The following NFU1 variants were observed in gnomAD, a reference collection of about 807,000 sequenced individuals.
The protein encoded by NFU1 is NFU1 iron-sulfur cluster scaffold, also known as NFU1 iron-sulfur cluster scaffold homolog, mitochondrial.
In NFU1, 30 loss-of-function variants were observed where a neutral mutation model predicts 32.2. That is an observed-to-expected ratio of 0.93 (90% confidence interval 0.70 to 1.26). NFU1 has a LOEUF of 1.26. NFU1 is among the 50% of genes most tolerant of loss of function. The pLI is 0.00. For missense variants in NFU1, 306 were observed against 306.6 expected (o/e 1.00, Z 0.02); for synonymous variants, 112 against 104.6 (o/e 1.07, Z -0.43).
At chr2:69,408,713 G>A (rs1162058118) in intron 5 of NFU1, among the ~76,000 whole-genome samples, 10 of 143,300 alleles carry the variant, frequency 7.0e-5, no homozygotes, top group African/African-American at 1.5e-4. Flanking sequence ...GTGAAACACC[G>A]TCTCAAAAAA....
chr2:69,407,855 A>G (rs555758251), intron 5 of NFU1, among the ~76,000 whole-genome samples: 5 of 151,902 alleles, frequency 3.3e-5, no homozygotes, highest in Admixed American at 6.6e-5. Context: ...TCTACTAAAA[A>G]TACAAAAATT....
At chr2:69,432,044 C>A in intron 1 of NFU1, 39 bp from the exon 2 acceptor site, 1 of 1,373,604 alleles carries the variant, frequency 7.3e-7, no homozygotes, top group Non-Finnish European at 1.0e-6. Context: ...ATTTTAAGAG[C>A]TCTAATCTTT....
intron 7 of NFU1, chr2:69,399,226 AAG>A: frequency 3.2e-5 from 10 of 316,508 alleles, no homozygotes; most frequent in South Asian, 1.0e-4. Context: ...AAAAAAAAAA[AAG>A]AATGAATTAC....
intron 1 of NFU1, 119 bp from the exon 2 acceptor site, chr2:69,432,124 ATAAT>A (rs1473365525): frequency 5.5e-5 from 38 of 688,148 alleles, no homozygotes; most frequent in African/African-American, 4.1e-4. Flanking sequence ...CGCAATAGAA[ATAAT>A]TAGAGAACTG....
intron 1 of NFU1, among the ~76,000 whole-genome samples, 154 bp from the exon 2 acceptor site, chr2:69,432,159 A>G (rs1296954287): frequency 6.6e-6 from 1 of 152,256 alleles, no homozygotes; most frequent in East Asian, 1.9e-4. Context: ...TTCCATCTAC[A>G]TTATTTCCAC....
chr2:69,425,588 C>T (rs1261249103), intron 2 of NFU1, among the ~76,000 whole-genome samples: 4 of 152,088 alleles, frequency 2.6e-5, no homozygotes, highest in Non-Finnish European at 4.4e-5. Flanking sequence ...CTCCTGACCT[C>T]ACGTGATCCA....
upstream of NFU1, among the ~76,000 whole-genome samples, chr2:69,438,169 T>A (rs912288002): frequency 6.6e-6 from 1 of 151,986 alleles, no homozygotes; most frequent in Non-Finnish European, 1.5e-5. Flanking sequence ...CGTTAGAACA[T>A]GTTAGAAATC....
intron 1 of NFU1, 157 bp downstream of exon 1, chr2:69,437,204 C>A (rs1673872793): frequency 4.2e-6 from 6 of 1,444,450 alleles, no homozygotes; most frequent in Non-Finnish European, 5.5e-6. Flanking sequence ...GCACAGACAG[C>A]CTCAGGGCTC....
At chr2:69,419,374 T>C (rs1222555457) in intron 4 of NFU1, among the ~76,000 whole-genome samples, 164 bp downstream of exon 4, 1 of 152,082 alleles carries the variant, frequency 6.6e-6, no homozygotes, top group African/African-American at 2.4e-5. Context: ...CATATTTCGC[T>C]TGATTCTTGT....
chr2:69,423,772 T>G, intron 2 of NFU1, 55 bp from the exon 3 acceptor site: 1 of 1,344,172 alleles, frequency 7.4e-7, no homozygotes, highest in Non-Finnish European at 1.1e-6. Flanking sequence ...AACAAGTTTA[T>G]GGACTATGAA....
chr2:69,437,719 G>T (rs541331459), upstream of NFU1: 8 of 527,600 alleles, frequency 1.5e-5, no homozygotes, highest in African/African-American at 1.1e-4. Context: ...GTTTTTAGCT[G>T]GTGCTGGTGC....
At chr2:69,428,821 T>C (rs981926375) in intron 2 of NFU1, among the ~76,000 whole-genome samples, 3 of 152,210 alleles carry the variant, frequency 2.0e-5, no homozygotes, top group Non-Finnish European at 4.4e-5. Context: ...GCAAAACATA[T>C]GGTTGGTACA....
At chr2:69,427,530 G>A (rs1008785288) in intron 2 of NFU1, among the ~76,000 whole-genome samples, 1 of 149,390 alleles carries the variant, frequency 6.7e-6, no homozygotes, top group Non-Finnish European at 1.5e-5. Context: ...AAACACAAAC[G>A]TCAGCCAGGC....
chr2:69,439,309 C>G (rs1354594195), upstream of NFU1, among the ~76,000 whole-genome samples: 1 of 152,082 alleles, frequency 6.6e-6, no homozygotes, highest in Non-Finnish European at 1.5e-5. Context: ...AGCCATGGAC[C>G]CTTGTGGTGA....
intron 5 of NFU1, among the ~76,000 whole-genome samples, chr2:69,408,731 ATT>A (rs1491451027): frequency 7.1e-5 from 7 of 98,636 alleles, no homozygotes; most frequent in East Asian, 2.7e-4. Context: ...AAAATATAAA[ATT>A]TTATATATAT....
intron 2 of NFU1, among the ~76,000 whole-genome samples, chr2:69,424,170 C>CAAAA (rs57078704): frequency 6.1e-4 from 26 of 42,932 alleles, no homozygotes; most frequent in Non-Finnish European, 7.6e-4. Flanking sequence ...GACTCTGTCT[C>CAAAA]AAAAAAAAAA....
At chr2:69,431,867 G>T in intron 2 of NFU1, 35 bp downstream of exon 2, 1 of 1,298,020 alleles carries the variant, frequency 7.7e-7, no homozygotes, top group Non-Finnish European at 1.1e-6. Context: ...ATCAGTTTCT[G>T]AAACACAACT....
At chr2:69,437,164 CG>C in intron 1 of NFU1, 196 bp downstream of exon 1, 1 of 1,241,036 alleles carries the variant, frequency 8.1e-7, no homozygotes, top group East Asian at 2.6e-5. Flanking sequence ...AGAGTCCGCC[CG>C]GATTAGGCCA....
At chr2:69,429,475 T>C (rs1673568270) in intron 2 of NFU1, among the ~76,000 whole-genome samples, 2 of 151,864 alleles carry the variant, frequency 1.3e-5, no homozygotes, top group African/African-American at 4.8e-5. Context: ...GCAAGAGGAC[T>C]GCTTGAGCCC....
Sources: gnomAD v4.1 joint callset for allele counts (sites outside exome capture counted in the v4.1 genomes callset) on GRCh38, gnomAD v4.1.1 for gene constraint, MANE v1.5 for transcripts, NCBI Gene and HGNC (gene_info 2026-07-23, HGNC 2026-07-21) for gene names.